Variants in LPIN2 observed in about 807,000 individuals in gnomAD.
LPIN2 encodes the protein phosphatidate phosphatase LPIN2.
In LPIN2, 55 loss-of-function variants were observed where a neutral mutation model predicts 111.4. The ratio of observed to expected loss-of-function variants is 0.49; its 90% CI spans 0.40 to 0.62. The LOEUF (loss-of-function observed/expected upper bound fraction) is 0.62. Ranked by LOEUF, LPIN2 falls within the 20% of genes least tolerant of loss-of-function variation. The pLI is 0.00. For synonymous variants in LPIN2, 425 were observed against 414.0 expected (o/e 1.03, Z -0.32); for missense variants, 992 against 1,112.1 (o/e 0.89, Z 1.54).
chr18:2,928,687 C>T, intron 10 of LPIN2, 27 bp from the exon 11 acceptor site: 1 of 1,581,686 alleles, frequency 6.3e-7, no homozygotes, highest in East Asian at 2.2e-5. Flanking sequence ...TTGTGCAAAA[C>T]CATTACACAG....
At chr18:2,928,742 G>T in intron 10 of LPIN2, 82 bp from the exon 11 acceptor site, 1 of 998,946 alleles carries the variant, frequency 1.0e-6, no homozygotes. Flanking sequence ...GAGGGAGGGA[G>T]GAGGGAAGTG....
At chr18:2,985,710 A>G (rs1212400699) in intron 1 of LPIN2, among the ~76,000 whole-genome samples, 1 of 152,174 alleles carries the variant, frequency 6.6e-6, no homozygotes, top group African/African-American at 2.4e-5. Flanking sequence ...AAAACTTTCT[A>G]GCTAGAATTT....
intron 1 of LPIN2, among the ~76,000 whole-genome samples, chr18:2,962,853 TAAAC>T (rs372071926): frequency 3.4e-4 from 51 of 152,136 alleles, no homozygotes; most frequent in Admixed American, 6.5e-4. Context: ...TTTCTTAAAA[TAAAC>T]AAAAAAATGC....
In LPIN2 at chr18:2,925,168, A is replaced by G. The variant is rs2077111873; in HGVS notation, c.1938+56T>C. 6.2e-7 allele frequency: 1 copy of G among 1,605,874 alleles called. No homozygotes were observed. Among genetic ancestry groups the G allele is most frequent in the Admixed American group, 1.7e-5 (1 of 59,998 alleles). On this transcript the variant is annotated intron_variant, in intron 14 of 19. Transcript: ENST00000677752. This position sits in a 1 kb window ranked among gnomAD's most constrained non-coding sequence, Gnocchi z 4.1. ...GTGGACAGAAGAGGATGTGCATCAA[A>G]TTAAACCATTACTAAAATAAGTCCT...
At chr18:2,941,657 T>A (rs2077368301) in intron 4 of LPIN2, among the ~76,000 whole-genome samples, 1 of 152,214 alleles carries the variant, frequency 6.6e-6, no homozygotes, top group African/African-American at 2.4e-5. Context: ...CCAGGTACAG[T>A]GGCTCATGCC....
At chr18:2,952,195 G>A (rs531451461) in intron 3 of LPIN2, among the ~76,000 whole-genome samples, 9 of 152,342 alleles carry the variant, frequency 5.9e-5, no homozygotes, top group African/African-American at 1.2e-4. Flanking sequence ...GGGAGGCAGA[G>A]GCAGGCGGAT....
In LPIN2 at chr18:2,939,597, A is replaced by G. The variant is rs376775853; in HGVS notation, c.705T>C (p.Tyr235=). ...DGDWSPLETT[Y]PQTACPKSDS... ...CACTCTTAGGACACGCTGTCTGGGG[A>G]TAGGTGCTGCAAAGAGAACAAAGAC... is the stretch of plus-strand genomic sequence containing the variant. Residue 235 remains tyrosine (Y), a synonymous_variant, in exon 6 of 20, where the codon TAT becomes TAC. Coordinates refer to ENST00000677752, the MANE Select transcript of LPIN2 (RefSeq NM_001375808.2). 6 of 1,613,248 alleles carry G rather than the reference A, an allele frequency of 3.7e-6. No homozygotes were observed. Among genetic ancestry groups the G allele is most frequent in the Non-Finnish European group, 5.1e-6 (6 of 1,179,742 alleles).
At chr18:2,983,781 T>A (rs1473778237) in intron 1 of LPIN2, among the ~76,000 whole-genome samples, 1 of 152,208 alleles carries the variant, frequency 6.6e-6, no homozygotes, top group Non-Finnish European at 1.5e-5. Context: ...GAAATTACAT[T>A]TACTTTTACC....
chr18:2,973,802 A>G (rs1226799295), intron 1 of LPIN2, among the ~76,000 whole-genome samples: 2 of 152,242 alleles, frequency 1.3e-5, no homozygotes, highest in Admixed American at 6.5e-5. Context: ...GTAATTATAG[A>G]AAATATTTTC....
intron 4 of LPIN2, chr18:2,948,536 A>G (rs2077489065): frequency 6.6e-6 from 1 of 152,238 alleles, no homozygotes. Context: ...TTGTTCAGGA[A>G]TTCTAAATGT....
intron 1 of LPIN2, among the ~76,000 whole-genome samples, chr18:2,984,497 C>T (rs913556959): frequency 1.3e-5 from 2 of 151,412 alleles, no homozygotes; most frequent in South Asian, 2.1e-4. Flanking sequence ...GGGGTGCTGC[C>T]GGTGGAGAAA....
rs147732429 is a variant in LPIN2, at chr18:2,984,512, G to A, written c.-9-23663C>T. On this transcript the variant is annotated intron_variant, in intron 1 of 19. Transcript: ENST00000677752. ...GGGGTGCTGCCGGTGGAGAAAAATG[G>A]AAGAAGCCAGAGGTCAGCAAGAAGG... Among the ~76,000 whole-genome samples, 1,286 of 152,208 alleles carry A rather than the reference G, an allele frequency of 8.4e-3. 16 individuals are homozygous for A. The highest frequency in any genetic ancestry group is 0.029 in the African/African-American group (1,221 of 41,516).
chr18:2,921,071 G>GGCCTC, intron 18 of LPIN2, 190 bp from the exon 19 acceptor site: 1 of 638,668 alleles, frequency 1.6e-6, no homozygotes. Context: ...TGGAGAGTCA[G>GGCCTC]AAAACTTGGG....
At chr18:2,987,230 A>C (rs2078200112) in intron 1 of LPIN2, among the ~76,000 whole-genome samples, 1 of 152,158 alleles carries the variant, frequency 6.6e-6, no homozygotes, top group South Asian at 2.1e-4. Flanking sequence ...TTCAGAAACA[A>C]ATTACTTGTT....
rs1282296018 is a variant in LPIN2 at position 2,945,614 on chromosome 18, G to C, written c.591-4902C>G. ...GCAGGCAGTTCAAGGCTTGCCCACTGCATCGGTTCAGCTTTTCTCATAGTG... is the reference window on the plus strand; with the variant it reads ...GCAGGCAGTTCAAGGCTTGCCCACTCCATCGGTTCAGCTTTTCTCATAGTG... On this transcript the variant is annotated intron_variant, in intron 4 of 19. Coordinates refer to ENST00000677752, the MANE Select transcript of LPIN2 (RefSeq NM_001375808.2). The C allele has an allele frequency of 1.8e-5, 28 of 1,528,082 alleles. No individual in the cohort carries two copies. The Middle Eastern group carries it at 7.0e-4, about 38-fold the overall frequency. 94.7% of individuals were successfully genotyped at this position (1,528,082 alleles called of 1,614,324 possible).
Position 2,924,260 on chromosome 18 carries a change from C to T in LPIN2, c.2087+138G>A, listed in dbSNP as rs933768060. ...GACCCCATGTGGACTGTACTGGGGA[C>T]GCCTCAGAGCATATGGCTTATAAAA... On this transcript the variant is annotated intron_variant, in intron 15 of 19. Coordinates refer to ENST00000677752, the MANE Select transcript of LPIN2 (RefSeq NM_001375808.2). 32 of 993,212 alleles carry T rather than the reference C, an allele frequency of 3.2e-5. No homozygotes were observed. The African/African-American group carries it at 3.8e-4, about 12-fold the overall frequency. 61.5% of individuals were successfully genotyped at this position (993,212 alleles called of 1,614,324 possible).
Position 2,924,587 on chromosome 18 carries a change from CAT to C in LPIN2, c.1939-43_1939-42del, listed in dbSNP as rs540918192. On this transcript the variant is annotated intron_variant, in intron 14 of 19. Transcript: ENST00000677752. ...AAGAATAAAGAAAATCAGCTGAAAACATAGTTTGAAACGATTTAAAAATTTAC... is the reference window on the plus strand; with the variant it reads ...AAGAATAAAGAAAATCAGCTGAAAACAGTTTGAAACGATTTAAAAATTTAC... The C allele has an allele frequency of 1.8e-4, 287 of 1,605,660 alleles. No homozygotes were observed. The African/African-American group carries it at 3.4e-3, about 19-fold the overall frequency.
At chr18:2,933,901 G>A (rs9635811) in intron 8 of LPIN2, among the ~76,000 whole-genome samples, 38,819 of 151,846 alleles carry the variant, frequency 0.26, 7,092 homozygotes, top group East Asian at 0.54. Flanking sequence ...CGGGGGCAGT[G>A]CCCCACCAGA....
intron 4 of LPIN2, chr18:2,946,833 A>C: frequency 2.6e-6 from 1 of 391,338 alleles, no homozygotes; most frequent in Non-Finnish European, 4.7e-6. Context: ...GCACAGTACG[A>C]GTCAACGAAT....
Sources: allele counts gnomAD v4.1 joint callset (sites outside exome capture counted in the v4.1 genomes callset), GRCh38; gene constraint gnomAD v4.1.1; non-coding constraint Gnocchi (gnomAD v3.1); transcripts MANE v1.5; gene names NCBI Gene and HGNC (gene_info 2026-07-23, HGNC 2026-07-21).